RHOBTB3: variants seen among roughly 807,000 people sequenced by gnomAD.
RHOBTB3 encodes Rho related BTB domain containing 3.
RHOBTB3 carries 47 observed loss-of-function variants against 67.2 expected under a neutral mutation model. That is an observed-to-expected ratio of 0.70 (90% CI 0.55 to 0.89). The LOEUF (loss-of-function observed/expected upper bound fraction) is 0.89. Ranked by LOEUF, RHOBTB3 falls within the 40% of genes least tolerant of loss-of-function variation. RHOBTB3 has a pLI of 0.00. For missense variants in RHOBTB3, 631 were observed against 750.0 expected (o/e 0.84, Z 1.85); for synonymous variants, 273 against 274.2 (o/e 1.00, Z 0.04).
intron 2 of RHOBTB3, among the ~76,000 whole-genome samples, chr5:95,734,631 TTC>T (rs954583217): frequency 3.3e-5 from 5 of 152,204 alleles, no homozygotes; most frequent in African/African-American, 1.2e-4. Context: ...TAGTGTGTCT[TTC>T]TCTCTCTTTC....
chr5:95,760,211 C>T (rs1433548915), intron 6 of RHOBTB3, among the ~76,000 whole-genome samples: 2 of 152,184 alleles, frequency 1.3e-5, no homozygotes, highest in Non-Finnish European at 2.9e-5. Context: ...ACAACAAACA[C>T]TGCATAATGT....
Position 95,731,377 on chromosome 5 carries a change from A to AG in RHOBTB3, c.-302dup. ...TGCCAGCCGAGGAGGCGCGGCGGAG[A>AG]GGGGACTGCGGTCAGCTGCGTCCAC... On this transcript the variant is annotated 5_prime_UTR_variant, in exon 1 of 12. Coordinates refer to ENST00000379982, the MANE Select transcript of RHOBTB3 (RefSeq NM_014899.4). 8.6e-7 allele frequency: 1 copy of AG among 1,156,996 alleles called. No individual in the cohort carries two copies. Among genetic ancestry groups the AG allele is most frequent in the Non-Finnish European group, 1.1e-6 (1 of 943,054 alleles). The allele number at this position is 1,156,996 out of a possible 1,614,324, so 71.7% of individuals were successfully genotyped here. A position where few individuals can be genotyped will look rare whatever the true frequency, so the allele number is the denominator to read the frequency against.
chr5:95,768,748 T>G (rs966222271), intron 8 of RHOBTB3, among the ~76,000 whole-genome samples: 11 of 152,230 alleles, frequency 7.2e-5, no homozygotes, highest in African/African-American at 2.7e-4. Flanking sequence ...TCTAAGAAAG[T>G]AAGACTACCT....
chr5:95,734,951 T>C (rs973726259), intron 2 of RHOBTB3, among the ~76,000 whole-genome samples: 1 of 152,216 alleles, frequency 6.6e-6, no homozygotes, highest in Non-Finnish European at 1.5e-5. Context: ...AAAAAGCAGC[T>C]ACTTTTGATT....
intron 8 of RHOBTB3, among the ~76,000 whole-genome samples, chr5:95,774,667 A>T (rs545454581): frequency 1.8e-4 from 28 of 152,292 alleles, no homozygotes; most frequent in Admixed American, 9.8e-4. Context: ...GTCCAGAAAC[A>T]TTGTACTAAT....
At chr5:95,770,078 C>A (rs1274520149) in intron 8 of RHOBTB3, 1 of 307,370 alleles carries the variant, frequency 3.3e-6, no homozygotes, top group Non-Finnish European at 6.6e-6. Context: ...TGATGCTATG[C>A]TCTTTAAAGG....
rs533211681 is a variant in RHOBTB3 at position 95,788,027 on chromosome 5, C to CAAT, written c.1624-723_1624-721dup. Among the ~76,000 whole-genome samples the CAAT allele has an allele frequency of 1.4e-4, 21 of 152,224 alleles. No homozygotes were observed. In the East Asian group the frequency reaches 3.3e-3, roughly 24 times the overall value. On this transcript the variant is annotated intron_variant, in intron 10 of 11. Transcript: ENST00000379982. ...ATTTTATGTTACACATATTGTACCA[C>CAAT]AATAATAATAATAAAAAAAAGAGTT...
At chr5:95,742,432 T>G (rs1755625693) in intron 3 of RHOBTB3, among the ~76,000 whole-genome samples, 1 of 152,200 alleles carries the variant, frequency 6.6e-6, no homozygotes, top group South Asian at 2.1e-4. Flanking sequence ...ACTTAATGTC[T>G]TTCTTTAGGT....
intron 6 of RHOBTB3, among the ~76,000 whole-genome samples, chr5:95,761,967 C>T (rs1335096314): frequency 6.6e-6 from 1 of 152,094 alleles, no homozygotes; most frequent in Non-Finnish European, 1.5e-5. Flanking sequence ...AAGAGAAAAA[C>T]AGAAATCATA....
Position 95,793,122 on chromosome 5 carries a change from C to A in RHOBTB3, c.1784C>A (p.Ala595Glu), listed in dbSNP as rs148767115. The change falls in exon 12 of 12, where the codon GCG becomes GAG. Residue 595 changes from alanine to glutamate, a missense_variant. Coordinates refer to ENST00000379982, the MANE Select transcript of RHOBTB3 (RefSeq NM_014899.4). ...TCGAATATGTACTTGAAGCAGCTTG[C>A]GGAATACAGGAAGTATATTCACTCC... The part of the protein sequence containing the change: ...WPSNMYLKQL[A>E]EYRKYIHSRK... 1 of 1,613,084 alleles carries A rather than the reference C, an allele frequency of 6.2e-7. No homozygotes were observed. The highest frequency in any genetic ancestry group is 8.5e-7 in the Non-Finnish European group (1 of 1,179,552).
chr5:95,787,117 C>A (rs540723546), intron 10 of RHOBTB3, among the ~76,000 whole-genome samples: 1 of 152,284 alleles, frequency 6.6e-6, no homozygotes, highest in African/African-American at 2.4e-5. Context: ...TTTAAGCATG[C>A]TTTGTAGCCA....
chr5:95,796,122 C>A lies in RHOBTB3; in HGVS notation c.*2948C>A, dbSNP rs1746553907. The A allele has an allele frequency of 6.6e-6, 1 of 152,214 alleles. No homozygotes were observed. The highest frequency in any genetic ancestry group is 6.5e-5 in the Admixed American group (1 of 15,284). 9.4% of individuals were successfully genotyped at this position (152,214 alleles called of 1,614,324 possible). On this transcript the variant is annotated 3_prime_UTR_variant, in exon 12 of 12. Transcript: ENST00000379982. ...AGTCTGAACAATTGGATAAATTTGA[C>A]TTCCAAGACAGCTAAACTTTTCAAC... is the stretch of plus-strand genomic sequence containing the variant.
intron 8 of RHOBTB3, among the ~76,000 whole-genome samples, chr5:95,778,820 C>T (rs930108163): frequency 1.3e-5 from 2 of 152,184 alleles, no homozygotes; most frequent in African/African-American, 2.4e-5. Flanking sequence ...TGGTCCTTCC[C>T]GGTGGAGGGA....
intron 1 of RHOBTB3, among the ~76,000 whole-genome samples, chr5:95,720,997 A>G (rs1754854017): frequency 1.3e-5 from 2 of 152,234 alleles, no homozygotes; most frequent in African/African-American, 4.8e-5. Flanking sequence ...AAACCAAAGT[A>G]TATAAAAGAA....
intron 8 of RHOBTB3, chr5:95,770,273 A>T (rs959296625): frequency 6.8e-6 from 2 of 294,970 alleles, no homozygotes; most frequent in Non-Finnish European, 1.4e-5. Flanking sequence ...AGAGTTACAG[A>T]TGCCCTTAAT....
rs1745113249 is a variant in RHOBTB3 at position 95,752,290 on chromosome 5, A to C, written c.622A>C (p.Lys208Gln). The C allele has an allele frequency of 1.2e-6, 2 of 1,606,188 alleles. No homozygotes were observed. The highest frequency in any genetic ancestry group is 1.7e-6 in the Non-Finnish European group (2 of 1,177,388). The change falls in exon 5 of 12, where the codon AAG becomes CAG. Residue 208 changes from lysine to glutamine, a missense_variant. Coordinates refer to ENST00000379982, the MANE Select transcript of RHOBTB3 (RefSeq NM_014899.4). ...ALNQKTSEKM[K>Q]KRKMSNSFHG... ...AAATCAGAAGACAAGTGAAAAAATG[A>C]AGAAAAGAAAAATGAGCAACTCCTT...
At chr5:95,732,168 G>A (rs1755298845) in intron 2 of RHOBTB3, 84 bp downstream of exon 2, 3 of 1,276,686 alleles carry the variant, frequency 2.3e-6, no homozygotes, top group Non-Finnish European at 3.4e-6. Context: ...GCCCACTTCC[G>A]TGAGTGTGGA....
chr5:95,780,775 G>A (rs1489732812), intron 9 of RHOBTB3, among the ~76,000 whole-genome samples: 7 of 152,144 alleles, frequency 4.6e-5, no homozygotes, highest in South Asian at 2.1e-4. Flanking sequence ...TACTTGGAGC[G>A]CTGTCTCTTC....
chr5:95,738,856 TTA>T (rs1447774532), intron 3 of RHOBTB3, among the ~76,000 whole-genome samples: 1 of 152,186 alleles, frequency 6.6e-6, no homozygotes, highest in Non-Finnish European at 1.5e-5. Context: ...ATAATAATAC[TTA>T]TCTCTTGTTG....
Sources: allele counts gnomAD v4.1 joint callset (sites outside exome capture counted in the v4.1 genomes callset), GRCh38; gene constraint gnomAD v4.1.1; transcripts MANE v1.5; gene names NCBI Gene and HGNC (gene_info 2026-07-23, HGNC 2026-07-21).